Variants in CSMD1 observed in about 807,000 individuals in gnomAD.
The protein encoded by CSMD1 is CUB and sushi domain-containing protein 1.
A neutral mutation model predicts 417.5 loss-of-function variants in CSMD1; 213 were observed. The observed-to-expected ratio is 0.51, with a 90% CI of 0.46 to 0.57. The LOEUF (loss-of-function observed/expected upper bound fraction) is 0.57, where lower values mean the gene tolerates loss of function less well. Among genes scored for constraint, CSMD1 ranks in the 20% least tolerant of loss-of-function variants. The pLI, the probability that CSMD1 is intolerant of heterozygous loss-of-function variation, is 0.00. For missense variants in CSMD1, 6,923 were observed against 4,529.7 expected, an observed-to-expected ratio of 1.53 and a Z score of -15.17; for synonymous variants, 2,862 against 1,736.8, an observed-to-expected ratio of 1.65 and a Z score of -16.11.
rs11439463 is a variant in CSMD1 at position 4,400,761 on chromosome 8, GTTT to G, written c.415+19189_415+19191del. The stretch of plus-strand genomic sequence containing the variant: ...TCTCTAATAGAGTGCATACAGATCA[GTTT>G]TTTTTTTTTTTTCCTTTTTAAAAAA... On this transcript the variant is annotated intron_variant, in intron 3 of 69. Transcript: ENST00000635120. Among the ~76,000 whole-genome samples the G allele has an allele frequency of 8.3e-3, 1,162 of 139,518 alleles. 5 individuals carry two copies. Among genetic ancestry groups the G allele is most frequent in the Admixed American group, 0.012 (171 of 14,122 alleles). 91.5% of individuals were successfully genotyped at this position (139,518 alleles called of 152,430 possible). A position where few individuals can be genotyped will look rare whatever the true frequency, so the allele number is the denominator to read the frequency against.
chr8:4,739,292 A>G (rs776774088), intron 1 of CSMD1, among the ~76,000 whole-genome samples: 4 of 152,196 alleles, frequency 2.6e-5, no homozygotes, highest in Non-Finnish European at 5.9e-5. Flanking sequence ...ACTCCTACAG[A>G]TTAACAGAGC....
At chr8:3,804,299 A>T (rs566700988) in intron 5 of CSMD1, among the ~76,000 whole-genome samples, 5 of 152,126 alleles carry the variant, frequency 3.3e-5, no homozygotes, top group Admixed American at 1.3e-4. Flanking sequence ...AAAATAAATA[A>T]TTTTTTTTGT....
At chr8:3,529,980 T>C (rs1797910952) in intron 10 of CSMD1, among the ~76,000 whole-genome samples, 1 of 152,084 alleles carries the variant, frequency 6.6e-6, no homozygotes, top group South Asian at 2.1e-4. Flanking sequence ...GTGCCATATG[T>C]CATTTTTGTT....
At chr8:4,038,625 G>A (rs1006820618) in intron 3 of CSMD1, among the ~76,000 whole-genome samples, 1 of 152,188 alleles carries the variant, frequency 6.6e-6, no homozygotes, top group Non-Finnish European at 1.5e-5. Flanking sequence ...AATACCTACT[G>A]AGTTGACATA....
intron 34 of CSMD1, among the ~76,000 whole-genome samples, chr8:3,189,570 A>T (rs923473798): frequency 2.0e-5 from 3 of 152,228 alleles, no homozygotes; most frequent in Non-Finnish European, 4.4e-5. Flanking sequence ...GCACCAATTT[A>T]TTAAAAGGAC....
chr8:3,241,436 T>G (rs181090842), intron 26 of CSMD1, among the ~76,000 whole-genome samples: 81 of 152,208 alleles, frequency 5.3e-4, no homozygotes, highest in African/African-American at 1.7e-3. Context: ...TCGGCATCTG[T>G]GTTGGTCTAC....
intron 2 of CSMD1, among the ~76,000 whole-genome samples, chr8:4,611,961 T>C (rs1268813146): frequency 6.6e-6 from 1 of 152,180 alleles, no homozygotes; most frequent in Admixed American, 6.5e-5. Context: ...TTTAGCTTAA[T>C]TTGTGTGTTT....
intron 25 of CSMD1, among the ~76,000 whole-genome samples, chr8:3,302,028 G>A (rs1804449290): frequency 6.6e-6 from 1 of 151,978 alleles, no homozygotes; most frequent in African/African-American, 2.4e-5. Context: ...ATTGTTTTAG[G>A]TGGGAAATTA....
chr8:4,832,000 G>C (rs1254178704), intron 1 of CSMD1, among the ~76,000 whole-genome samples: 1 of 152,180 alleles, frequency 6.6e-6, no homozygotes, highest in African/African-American at 2.4e-5. Flanking sequence ...TGCACACATA[G>C]TCACTTTCAA....
intron 3 of CSMD1, among the ~76,000 whole-genome samples, chr8:4,188,248 C>A (rs1619085): frequency 2.0e-5 from 3 of 152,000 alleles, no homozygotes; most frequent in African/African-American, 4.8e-5. Flanking sequence ...CAGAAAACAG[C>A]GCACTTTTGG....
chr8:4,645,922 G>A (rs1165633077), intron 1 of CSMD1, among the ~76,000 whole-genome samples: 1 of 152,156 alleles, frequency 6.6e-6, no homozygotes, highest in Non-Finnish European at 1.5e-5. Flanking sequence ...TCAAGGCCAT[G>A]TAACACGACT....
intron 5 of CSMD1, among the ~76,000 whole-genome samples, chr8:3,768,655 C>G (rs1798412228): frequency 6.6e-6 from 1 of 152,170 alleles, no homozygotes; most frequent in East Asian, 1.9e-4. Context: ...TCCAGAAGCT[C>G]AGAACTTTTA....
At chr8:3,645,350 T>C (rs1797523950) in intron 7 of CSMD1, among the ~76,000 whole-genome samples, 1 of 152,204 alleles carries the variant, frequency 6.6e-6, no homozygotes, top group Non-Finnish European at 1.5e-5. Flanking sequence ...AGACCTATCC[T>C]AATTGAGAAA....
intron 3 of CSMD1, among the ~76,000 whole-genome samples, chr8:4,213,756 G>C (rs1189684077): frequency 1.3e-5 from 2 of 152,200 alleles, no homozygotes; most frequent in African/African-American, 4.8e-5. Context: ...ACATGGCTGA[G>C]ATGGGGTTCC....
chr8:4,586,262 C>G (rs933973222), intron 2 of CSMD1, among the ~76,000 whole-genome samples: 4 of 152,184 alleles, frequency 2.6e-5, no homozygotes, highest in African/African-American at 9.7e-5. Flanking sequence ...CTTATTCATT[C>G]TGACTGTATT....
intron 8 of CSMD1, among the ~76,000 whole-genome samples, chr8:3,607,629 G>A (rs537058904): frequency 1.3e-5 from 2 of 152,294 alleles, no homozygotes; most frequent in East Asian, 3.9e-4. Context: ...AAAATCTTAA[G>A]GGAAAACCAT....
chr8:4,628,413 TATATACATATATATACACATATACAC>T (rs1376256098), intron 2 of CSMD1, among the ~76,000 whole-genome samples: 5 of 127,258 alleles, frequency 3.9e-5, no homozygotes, highest in Non-Finnish European at 8.2e-5. Flanking sequence ...TATACACATA[TATATACATATATATACACATATACAC>T]ATATATACAC....
At chr8:3,342,847 G>A (rs1462642287) in intron 23 of CSMD1, among the ~76,000 whole-genome samples, 2 of 141,266 alleles carry the variant, frequency 1.4e-5, no homozygotes, top group East Asian at 4.2e-4. Context: ...TAGTTGTTGT[G>A]TGTGTGTGTG....
intron 1 of CSMD1, among the ~76,000 whole-genome samples, chr8:4,649,568 T>C (rs114596102): frequency 0.014 from 2,177 of 152,318 alleles, 49 homozygotes; most frequent in East Asian, 0.1. Flanking sequence ...ATAGTATTTT[T>C]TCTGTCATTT....
Sources: allele counts gnomAD v4.1 joint callset (sites outside exome capture counted in the v4.1 genomes callset), GRCh38; gene constraint gnomAD v4.1.1; transcripts MANE v1.5; gene names NCBI Gene and HGNC (gene_info 2026-07-23, HGNC 2026-07-21).